ZNF407: variants seen among roughly 807,000 people sequenced by gnomAD.
ZNF407 encodes the protein zinc finger protein 407.
Under a neutral mutation model 131.2 loss-of-function variants are expected in ZNF407, and 17 were observed. That is an observed-to-expected ratio of 0.13 (90% CI 0.09 to 0.19). The LOEUF is 0.19. Among genes scored for constraint, ZNF407 ranks in the 10% least tolerant of loss-of-function variants. ZNF407 has a pLI of 1.00. For synonymous variants in ZNF407, 1,156 were observed against 1,062.0 expected (o/e 1.09, Z -1.72); for missense variants, 2,681 against 2,830.6 (o/e 0.95, Z 1.20).
chr18:74,788,281 A>G (rs540733674), intron 4 of ZNF407, among the ~76,000 whole-genome samples: 12 of 152,310 alleles, frequency 7.9e-5, no homozygotes, highest in Non-Finnish European at 1.3e-4. Flanking sequence ...AGTAAAACCA[A>G]TATTTTTCTG....
At position 74,877,390 on chromosome 18, in the gene ZNF407, G is replaced by T. The variant is rs1466755929; in HGVS notation, c.5044+27G>T. 1.0e-5 allele frequency: 16 copies of T among 1,607,296 alleles called. No individual in the cohort carries two copies. In the Middle Eastern group the frequency reaches 8.5e-4, roughly 86 times the overall value. ...TGTGCCGCGCCGCCTTCCTATCCCA[G>T]GAGGCTGGGCAGAGGTAGACTGGGT... On this transcript the variant is annotated intron_variant, in intron 5 of 8. Transcript: ENST00000299687.
At chr18:74,880,229 G>T (rs556653510) in intron 5 of ZNF407, among the ~76,000 whole-genome samples, 11 of 152,122 alleles carry the variant, frequency 7.2e-5, no homozygotes, top group Non-Finnish European at 1.6e-4. Flanking sequence ...AAGATAGATT[G>T]CATTTATAAA....
chr18:74,655,429 G>A (rs918084322), intron 3 of ZNF407, among the ~76,000 whole-genome samples: 1 of 151,948 alleles, frequency 6.6e-6, no homozygotes, highest in Non-Finnish European at 1.5e-5. Context: ...ACCTTATGGA[G>A]TACTTAAAAT....
At chr18:74,899,049 AC>A (rs759859090) in intron 7 of ZNF407, among the ~76,000 whole-genome samples, 4 of 152,338 alleles carry the variant, frequency 2.6e-5, no homozygotes, top group South Asian at 4.1e-4. Flanking sequence ...ATTGTAGGTC[AC>A]ATGAGATTCT....
intron 3 of ZNF407, among the ~76,000 whole-genome samples, chr18:74,673,004 T>C (rs1053531591): frequency 7.9e-5 from 12 of 152,190 alleles, no homozygotes; most frequent in Non-Finnish European, 4.4e-5. Context: ...TCTGCATGCA[T>C]TGGAAGAGAC....
intron 8 of ZNF407, among the ~76,000 whole-genome samples, chr18:74,988,533 C>T (rs1972680361): frequency 6.6e-6 from 1 of 151,084 alleles, no homozygotes; most frequent in Non-Finnish European, 1.5e-5. Context: ...TGGCCTAGTT[C>T]TTGATTCTAG....
intron 4 of ZNF407, among the ~76,000 whole-genome samples, chr18:74,787,027 A>G (rs1389730281): frequency 6.6e-6 from 1 of 151,758 alleles, no homozygotes; most frequent in Admixed American, 6.6e-5. Flanking sequence ...GGCTGGTCTC[A>G]AACTCCTCAC....
rs1297326169 is a variant in ZNF407, at chr18:74,634,591, A to T, written c.3572A>T (p.Asn1191Ile). The T allele has an allele frequency of 6.2e-7, 1 of 1,613,946 alleles. No individual in the cohort carries two copies. The change falls in exon 2 of 9, where the codon AAC becomes ATC. Residue 1191 changes from asparagine (N) to isoleucine (I), a missense_variant. Transcript: ENST00000299687. ...ATGATGTCACTTACTATGTCCTCAA[A>T]CTATGGCTCCCCAAGCAGATTTCAA... ...EEMMSLTMSS[N>I]YGSPSRFQNE...
intron 1 of ZNF407, among the ~76,000 whole-genome samples, chr18:74,617,913 T>C (rs1983384509): frequency 2.6e-5 from 4 of 152,212 alleles, no homozygotes; most frequent in Admixed American, 2.0e-4. Context: ...TTTGCCAGTA[T>C]GCTTTTCTAT....
chr18:74,995,515 G>A (rs1484229259), intron 8 of ZNF407, among the ~76,000 whole-genome samples: 1 of 152,176 alleles, frequency 6.6e-6, no homozygotes, highest in African/African-American at 2.4e-5. Context: ...TATTTTATTC[G>A]CTTCCTAAAT....
intron 8 of ZNF407, among the ~76,000 whole-genome samples, chr18:75,015,538 T>C (rs1252320617): frequency 6.8e-6 from 1 of 147,516 alleles, no homozygotes; most frequent in African/African-American, 2.5e-5. Flanking sequence ...ATATAAATGA[T>C]TAATATCATA....
chr18:74,739,983 AAT>A (rs1479365475), intron 3 of ZNF407, among the ~76,000 whole-genome samples: 1 of 152,184 alleles, frequency 6.6e-6, no homozygotes, highest in Non-Finnish European at 1.5e-5. Context: ...TTCTGGAGAA[AAT>A]ATTAAATATG....
At chr18:74,772,028 G>C (rs1471114244) in intron 3 of ZNF407, among the ~76,000 whole-genome samples, 1 of 152,084 alleles carries the variant, frequency 6.6e-6, no homozygotes, top group Non-Finnish European at 1.5e-5. Context: ...CTTTCATTAG[G>C]CAAGAAGTAT....
intron 3 of ZNF407, among the ~76,000 whole-genome samples, chr18:74,765,034 A>G (rs544097617): frequency 6.6e-6 from 1 of 152,286 alleles, no homozygotes; most frequent in South Asian, 2.1e-4. Context: ...TCATAGTAAA[A>G]GTGGACCCAC....
intron 8 of ZNF407, chr18:74,921,105 GA>G: frequency 1.3e-6 from 1 of 777,366 alleles, no homozygotes; most frequent in Non-Finnish European, 1.6e-6. Flanking sequence ...TGAATGCCTA[GA>G]AAGAATGTGA....
At chr18:74,681,781 A>G (rs368237977) in intron 3 of ZNF407, among the ~76,000 whole-genome samples, 11 of 152,310 alleles carry the variant, frequency 7.2e-5, no homozygotes, top group African/African-American at 2.4e-4. Context: ...TACCATATAC[A>G]TGGAGTACTT....
chr18:74,781,490 C>T lies in ZNF407; in HGVS notation c.4865C>T (p.Thr1622Ile), dbSNP rs867857563. Reference protein sequence around the residue: ...THLLGKHGVGTPKERKFTCHL... With the variant: ...THLLGKHGVGIPKERKFTCHL... ...CTACTAGGCAAGCATGGAGTTGGCACCCCAAAAGAAAGGTAATTTTCATTC... is the reference window on the plus strand; with the variant it reads ...CTACTAGGCAAGCATGGAGTTGGCATCCCAAAAGAAAGGTAATTTTCATTC... Residue 1622 changes from threonine (T) to isoleucine (I), a missense_variant, in exon 4 of 9, where the codon ACC (threonine) becomes ATC (isoleucine). Coordinates refer to ENST00000299687, the MANE Select transcript of ZNF407 (RefSeq NM_017757.3). 1 of 1,521,712 alleles carries T rather than the reference C, an allele frequency of 6.6e-7. No homozygotes were observed. The highest frequency in any genetic ancestry group is 8.8e-7 in the Non-Finnish European group (1 of 1,137,074). 94.3% of individuals were successfully genotyped at this position (1,521,712 alleles called of 1,614,324 possible). A position where few individuals can be genotyped will look rare whatever the true frequency, so the allele number is the denominator to read the frequency against.
intron 3 of ZNF407, among the ~76,000 whole-genome samples, chr18:74,716,765 A>T (rs573834476): frequency 1.3e-5 from 2 of 152,328 alleles, no homozygotes; most frequent in Admixed American, 1.3e-4. Context: ...AAAGAAAGCA[A>T]TGTATCGGTA....
In ZNF407 at chr18:75,063,776, G is replaced by C. The variant is rs759593552; in HGVS notation, c.6055G>C (p.Val2019Leu). 13 of 1,610,558 alleles carry C rather than the reference G, an allele frequency of 8.1e-6. No homozygotes were observed. The East Asian group carries it at 2.7e-4, about 33-fold the overall frequency. The change falls in exon 9 of 9, where the codon GTG (valine) becomes CTG (leucine). Residue 2019 changes from valine to leucine, a missense_variant. Physicochemically the swap from Val to Leu is conservative, Grantham distance 32 (BLOSUM62 1). Around this residue, in one of 6 missense-constraint regions of ZNF407, gnomAD observed 620 missense variants for 583.1 expected, o/e 1.06. Coordinates refer to ENST00000299687, the MANE Select transcript of ZNF407 (RefSeq NM_017757.3). This position sits in a 1 kb window ranked among gnomAD's most constrained non-coding sequence, Gnocchi z 6.6. ...GCAAGGCAGGCCCGGCGCCAAAGAC[G>C]TGCTGATCCAGCTGCCCGGGCAGGA... ...EEQGRPGAKD[V>L]LIQLPGQEVS...
Sources: allele counts gnomAD v4.1 joint callset (sites outside exome capture counted in the v4.1 genomes callset), GRCh38; gene constraint gnomAD v4.1.1; regional missense constraint gnomAD v4.1.1; non-coding constraint Gnocchi (gnomAD v3.1); transcripts MANE v1.5; gene names NCBI Gene and HGNC (gene_info 2026-07-23, HGNC 2026-07-21).